Variants in ELFN2 observed in about 807,000 individuals in gnomAD.
ELFN2 encodes protein phosphatase 1 regulatory subunit 29.
A neutral mutation model predicts 45.5 loss-of-function variants in ELFN2; 17 were observed. The observed-to-expected ratio is 0.37, with a 90% CI of 0.26 to 0.56. The LOEUF is 0.56. Among genes scored for constraint, ELFN2 ranks in the 20% least tolerant of loss-of-function variants. ELFN2 has a pLI of 0.77. For synonymous variants in ELFN2, 550 were observed against 551.5 expected (o/e 1.00, Z 0.04); for missense variants, 922 against 1,183.2 (o/e 0.78, Z 3.24).
At chr22:37,418,498 G>A (rs1214090367) in intron 1 of ELFN2, among the ~76,000 whole-genome samples, 1 of 151,846 alleles carries the variant, frequency 6.6e-6, no homozygotes, top group Admixed American at 6.6e-5. Flanking sequence ...TCCACAGCCT[G>A]GAGGTGTCTC....
At chr22:37,362,589 C>T (rs1931116874) in intron 1 of ELFN2, among the ~76,000 whole-genome samples, 1 of 152,180 alleles carries the variant, frequency 6.6e-6, no homozygotes. Flanking sequence ...ATCTGGGACT[C>T]GGGTCTTTGG....
intron 1 of ELFN2, among the ~76,000 whole-genome samples, chr22:37,357,072 C>A (rs1930969698): frequency 1.3e-5 from 2 of 152,194 alleles, no homozygotes; most frequent in Admixed American, 6.5e-5. Context: ...CAGACCCCTC[C>A]TCTTGTTACT....
intron 1 of ELFN2, among the ~76,000 whole-genome samples, chr22:37,355,891 ACGTGAGAGTG>A (rs1361303610): frequency 1.3e-5 from 2 of 152,234 alleles, no homozygotes; most frequent in African/African-American, 4.8e-5. Flanking sequence ...ACCCAAATTG[ACGTGAGAGTG>A]TTCAGCGTCT....
Position 37,375,016 on chromosome 22 carries a change from G to T in ELFN2, c.519C>A (p.Ser173Arg). 6.2e-7 allele frequency: 1 copy of T among 1,613,496 alleles called. No individual in the cohort carries two copies. The highest frequency in any genetic ancestry group is 8.5e-7 in the Non-Finnish European group (1 of 1,180,000). ...GCTCACACACCATCAGGCTGGCGAG[G>T]CTGGCAAAGGTGGCACCGTCCAGGC... The part of the protein sequence containing the change: ...LSRLDGATFA[S>R]LASLMVCELA... The change falls in exon 3 of 3, where the codon AGC becomes AGA. Residue 173 changes from serine (S) to arginine (R), a missense_variant. Transcript: ENST00000402918.
At chr22:37,401,531 G>T (rs1252727714) in intron 2 of ELFN2, among the ~76,000 whole-genome samples, 1 of 152,202 alleles carries the variant, frequency 6.6e-6, no homozygotes, top group Admixed American at 6.5e-5. Context: ...CAGCAGGGAG[G>T]GAGGAGGCCG....
rs1284105900 is a variant in ELFN2 at position 37,370,181 on chromosome 22, G to A, written c.*2891C>T. ...TGGATCATCAGAGTCCTGCTCTTTG[G>A]AAGGGCCCCTGTCCCTGCAGTCAGA... On this transcript the variant is annotated 3_prime_UTR_variant, in exon 3 of 3. Transcript: ENST00000402918. 1 of 152,222 alleles carries A rather than the reference G, an allele frequency of 6.6e-6. No homozygotes were observed. Among genetic ancestry groups the A allele is most frequent in the African/African-American group, 2.4e-5 (1 of 41,438 alleles). 9.4% of individuals were successfully genotyped at this position (152,222 alleles called of 1,614,324 possible).
intron 2 of ELFN2, among the ~76,000 whole-genome samples, chr22:37,394,900 C>T (rs1439737896): frequency 2.0e-5 from 3 of 151,926 alleles, no homozygotes; most frequent in Non-Finnish European, 2.9e-5. Context: ...GTCAGGAGTT[C>T]GAGACCAGCC....
At chr22:37,386,832 C>T (rs914096227) in intron 2 of ELFN2, among the ~76,000 whole-genome samples, 7 of 152,196 alleles carry the variant, frequency 4.6e-5, no homozygotes, top group African/African-American at 1.7e-4. Context: ...TGCCAAAGCG[C>T]AGGGTCCACA....
At chr22:37,421,508 C>G (rs1319962400) in intron 1 of ELFN2, among the ~76,000 whole-genome samples, 1 of 152,192 alleles carries the variant, frequency 6.6e-6, no homozygotes, top group Admixed American at 6.5e-5. Context: ...ACCTGTCAAG[C>G]AAGCCCTACT....
chr22:37,404,493 T>G lies in ELFN2; in HGVS notation c.-463+13276A>C, dbSNP rs185314163. On this transcript the variant is annotated intron_variant, in intron 2 of 2. Transcript: ENST00000402918. ...CCCTGGAACAGGGAGCCTCAGAGAA[T>G]GGGCAAATAGCAGTGCAGGAGGACA... Among the ~76,000 whole-genome samples, 82 of 151,960 alleles carry G rather than the reference T, an allele frequency of 5.4e-4. No homozygotes were observed. The Middle Eastern group carries it at 0.014, about 25-fold the overall frequency.
At chr22:37,405,098 T>TTTTG (rs1932464619) in intron 2 of ELFN2, among the ~76,000 whole-genome samples, 1 of 147,662 alleles carries the variant, frequency 6.8e-6, no homozygotes, top group Non-Finnish European at 1.5e-5. Flanking sequence ...GCATTTTTTT[T>TTTTG]TTTTTTTTTT....
At chr22:37,418,865 C>T (rs1173965593) in intron 1 of ELFN2, 1 of 152,528 alleles carries the variant, frequency 6.6e-6, no homozygotes, top group Non-Finnish European at 1.5e-5. Context: ...AGCACAGTAC[C>T]TGGCTGACCT....
At chr22:37,411,264 A>C (rs6000725) in intron 2 of ELFN2, among the ~76,000 whole-genome samples, 39,340 of 151,990 alleles carry the variant, frequency 0.26, 8,784 homozygotes, top group African/African-American at 0.61. Context: ...ACCTGCGACC[A>C]CCAAGCCAAG....
At chr22:37,413,832 C>A (rs369717444) in intron 2 of ELFN2, among the ~76,000 whole-genome samples, 26 of 152,206 alleles carry the variant, frequency 1.7e-4, no homozygotes, top group African/African-American at 6.0e-4. Flanking sequence ...ACAAGCCCCC[C>A]CTAAGAATCT....
chr22:37,382,553 TTTTTTTTTTA>T (rs1211216183), intron 2 of ELFN2, among the ~76,000 whole-genome samples: 6 of 60,740 alleles, frequency 9.9e-5, no homozygotes, highest in African/African-American at 5.5e-4. Flanking sequence ...TTTTTTTTTT[TTTTTTTTTTA>T]AAAACAGACT....
chr22:37,424,462 GCTGA>G (rs1166731857), intron 1 of ELFN2, among the ~76,000 whole-genome samples: 18 of 152,148 alleles, frequency 1.2e-4, no homozygotes, highest in Non-Finnish European at 1.6e-4. Flanking sequence ...TTCCTATCAC[GCTGA>G]CTGTTTCTGG....
intron 2 of ELFN2, among the ~76,000 whole-genome samples, chr22:37,341,619 A>G (rs1384585482): frequency 6.6e-6 from 1 of 152,240 alleles, no homozygotes; most frequent in Non-Finnish European, 1.5e-5. Context: ...GTCTGAGAAC[A>G]GCCCCATCTC....
chr22:37,374,781 C>A lies in ELFN2; in HGVS notation c.754G>T (p.Ala252Ser). 7 of 1,607,142 alleles carry A rather than the reference C, an allele frequency of 4.4e-6. No individual in the cohort carries two copies. The highest frequency in any genetic ancestry group is 5.1e-6 in the Non-Finnish European group (6 of 1,178,960). Residue 252 changes from alanine to serine, a missense_variant, in exon 3 of 3, where the codon GCC becomes TCC. Transcript: ENST00000402918. ...GGCGTGGGGTGGCTCACGGGCCGGG[C>A]GGGCAGCGAGCCATTCCGACACTTG... ...QAKCRNGSLP[A>S]RPVSHPTPYS...
Position 37,372,985 on chromosome 22 carries a change from T to C in ELFN2, c.*87A>G, listed in dbSNP as rs1255820336. The stretch of plus-strand genomic sequence containing the variant: ...CCTCTCCTGGGCCTTGGCCCCCGAG[T>C]CTGCTCCCCGCCCTGGCCGCCTGGA... On this transcript the variant is annotated 3_prime_UTR_variant, in exon 3 of 3. Transcript: ENST00000402918. The surrounding 1 kb of genome is among the most constrained non-coding windows in gnomAD (Gnocchi z 4.4). The C allele has an allele frequency of 2.1e-6, 3 of 1,458,248 alleles. No homozygotes were observed. The highest frequency in any genetic ancestry group is 2.7e-6 in the Non-Finnish European group (3 of 1,099,812). 90.3% of individuals were successfully genotyped at this position (1,458,248 alleles called of 1,614,324 possible). A position where few individuals can be genotyped will look rare whatever the true frequency, so the allele number is the denominator to read the frequency against.
Sources: gnomAD v4.1 joint callset for allele counts (sites outside exome capture counted in the v4.1 genomes callset) on GRCh38, gnomAD v4.1.1 for gene constraint, Gnocchi (gnomAD v3.1) non-coding constraint, MANE v1.5 for transcripts, NCBI Gene and HGNC (gene_info 2026-07-23, HGNC 2026-07-21) for gene names.